Variants in ZBTB46 observed in about 807,000 individuals in gnomAD.
The protein encoded by ZBTB46 is zinc finger and BTB domain-containing protein 46.
In ZBTB46, 8 loss-of-function variants were observed where a neutral mutation model predicts 44.1. That is an observed-to-expected ratio of 0.18 (90% CI 0.11 to 0.33). The LOEUF is 0.33. Among genes scored for constraint, ZBTB46 ranks in the 10% least tolerant of loss-of-function variants. ZBTB46 has a pLI of 1.00. For missense variants in ZBTB46, 651 were observed against 847.7 expected (o/e 0.77, Z 2.88); for synonymous variants, 409 against 382.3 (o/e 1.07, Z -0.81).
intron 1 of ZBTB46, among the ~76,000 whole-genome samples, chr20:63,805,418 T>C (rs1252039687): frequency 6.6e-6 from 1 of 152,022 alleles, no homozygotes; most frequent in African/African-American, 2.4e-5. Context: ...TGAGCTCCGA[T>C]TGCACCACTG....
At chr20:63,791,438 G>A (rs1473432537) in intron 1 of ZBTB46, among the ~76,000 whole-genome samples, 1 of 144,114 alleles carries the variant, frequency 6.9e-6, no homozygotes, top group South Asian at 2.4e-4. Flanking sequence ...GGAGCCTGCA[G>A]TGAGCCGAGA....
In ZBTB46 at chr20:63,745,946, A is replaced by G. The variant is rs1202773915; in HGVS notation, c.*984T>C. On this transcript the variant is annotated 3_prime_UTR_variant, in exon 5 of 5. Coordinates refer to ENST00000245663, the MANE Select transcript of ZBTB46 (RefSeq NM_001369741.1). ...AAATAATGCCAAACAAAATAATTTT[A>G]TGTAACTACCTCGATATGTCTCTGA... is the stretch of plus-strand genomic sequence containing the variant. 6.5e-6 allele frequency: 1 copy of G among 152,692 alleles called. No individual in the cohort carries two copies. 9.5% of individuals were successfully genotyped at this position (152,692 alleles called of 1,614,324 possible).
At chr20:63,818,237 G>A (rs2092771242) in intron 1 of ZBTB46, among the ~76,000 whole-genome samples, 1 of 152,246 alleles carries the variant, frequency 6.6e-6, no homozygotes, top group Admixed American at 6.5e-5. Context: ...GCCAGGTGAG[G>A]CATGCCTTGA....
chr20:63,792,224 G>A (rs2092566855), intron 1 of ZBTB46, among the ~76,000 whole-genome samples: 2 of 152,112 alleles, frequency 1.3e-5, no homozygotes, highest in South Asian at 2.1e-4. Flanking sequence ...AATCGTAAGG[G>A]GACACGTTCA....
At chr20:63,761,368 CAAAG>C (rs2092275697) in intron 3 of ZBTB46, among the ~76,000 whole-genome samples, 1 of 152,134 alleles carries the variant, frequency 6.6e-6, no homozygotes, top group East Asian at 1.9e-4. Context: ...TTCTTCTTGA[CAAAG>C]AAATTTAGAA....
chr20:63,749,163 A>C (rs932826), intron 4 of ZBTB46, among the ~76,000 whole-genome samples: 66,178 of 152,020 alleles, frequency 0.44, 14,675 homozygotes, highest in East Asian at 0.68. Flanking sequence ...CTAAGCCTGG[A>C]CCGGGATGGG....
chr20:63,808,467 C>T (rs150633649), intron 1 of ZBTB46, among the ~76,000 whole-genome samples: 2 of 152,276 alleles, frequency 1.3e-5, no homozygotes, highest in East Asian at 3.9e-4. Context: ...GGAGTCTCAG[C>T]CCCGGGCCCG....
intron 3 of ZBTB46, among the ~76,000 whole-genome samples, chr20:63,774,050 C>CCCCCA (rs2092399404): frequency 5.5e-5 from 1 of 18,258 alleles, no homozygotes; most frequent in Non-Finnish European, 1.8e-4. Context: ...TAAGTGGCAC[C>CCCCCA]CCCCGCCCCC....
chr20:63,794,112 G>C (rs2092582725), intron 1 of ZBTB46, among the ~76,000 whole-genome samples: 2 of 151,914 alleles, frequency 1.3e-5, no homozygotes, highest in Admixed American at 1.3e-4. Context: ...CGTGAACCCG[G>C]GAGGCGGAGC....
chr20:63,773,079 G>A (rs560383482), intron 3 of ZBTB46, among the ~76,000 whole-genome samples: 78 of 152,218 alleles, frequency 5.1e-4, no homozygotes, highest in African/African-American at 1.4e-3. Context: ...GGGTGAAATC[G>A]ACATCTTCTG....
At chr20:63,829,478 C>G (rs111247203) in intron 1 of ZBTB46, among the ~76,000 whole-genome samples, 2 of 152,376 alleles carry the variant, frequency 1.3e-5, no homozygotes, top group African/African-American at 4.8e-5. Flanking sequence ...AAGGAGAAAT[C>G]TGACAGTAAC....
rs908086605 is a variant in ZBTB46, at chr20:63,802,280, G to A, written c.-33-11490C>T. On this transcript the variant is annotated intron_variant, in intron 1 of 4. Transcript: ENST00000245663. The stretch of plus-strand genomic sequence containing the variant: ...TCTACTAAAAATACAAATATTAGCC[G>A]GGTGTGGTGGCGCACGTCTGTAATC... Among the ~76,000 whole-genome samples, 15 of 152,064 alleles carry A rather than the reference G, an allele frequency of 9.9e-5. No individual in the cohort carries two copies. The East Asian group carries it at 1.2e-3, about 12-fold the overall frequency.
At chr20:63,832,496 T>G (rs2092857211), upstream of ZBTB46, among the ~76,000 whole-genome samples, 1 of 152,080 alleles carries the variant, frequency 6.6e-6, no homozygotes. The surrounding 1 kb of genome is among the most constrained non-coding windows in gnomAD (Gnocchi z 5.0). Flanking sequence ...CTTTCAAATC[T>G]GGATGTGTGA....
intron 2 of ZBTB46, among the ~76,000 whole-genome samples, chr20:63,777,590 A>G (rs2092436138): frequency 1.3e-5 from 2 of 152,224 alleles, no homozygotes; most frequent in Admixed American, 6.5e-5. Context: ...AGGTCCTCAC[A>G]ACATCAGGTA....
At chr20:63,808,649 C>T (rs981498718) in intron 1 of ZBTB46, among the ~76,000 whole-genome samples, 1 of 152,162 alleles carries the variant, frequency 6.6e-6, no homozygotes, top group South Asian at 2.1e-4. Flanking sequence ...CTCGGTCCAG[C>T]GCTCGGCCAG....
chr20:63,799,469 C>T (rs766697745), intron 1 of ZBTB46, among the ~76,000 whole-genome samples: 1 of 152,090 alleles, frequency 6.6e-6, no homozygotes, highest in Non-Finnish European at 1.5e-5. Context: ...ACCTCAGCCT[C>T]CCAGGGAAGC....
At chr20:63,748,923 G>A (rs887439027) in intron 4 of ZBTB46, among the ~76,000 whole-genome samples, 52 of 152,236 alleles carry the variant, frequency 3.4e-4, no homozygotes, top group African/African-American at 1.2e-3. Flanking sequence ...CCTCTGACGG[G>A]CAGGCACCAC....
At chr20:63,821,899 C>T (rs1207684206) in intron 1 of ZBTB46, among the ~76,000 whole-genome samples, 7 of 152,136 alleles carry the variant, frequency 4.6e-5, no homozygotes, top group Non-Finnish European at 8.8e-5. Flanking sequence ...CCCTTAGTTT[C>T]CCTTCAGAAA....
intron 1 of ZBTB46, among the ~76,000 whole-genome samples, chr20:63,804,905 C>CA (rs1036990464): frequency 4.8e-5 from 7 of 146,640 alleles, no homozygotes; most frequent in African/African-American, 1.5e-4. Context: ...AAAACAACAA[C>CA]AAAAAAAACC....
Sources: allele counts gnomAD v4.1 joint callset (sites outside exome capture counted in the v4.1 genomes callset), GRCh38; gene constraint gnomAD v4.1.1; non-coding constraint Gnocchi (gnomAD v3.1); transcripts MANE v1.5; gene names NCBI Gene and HGNC (gene_info 2026-07-23, HGNC 2026-07-21).